Variants in PHTF2 observed in about 807,000 individuals in gnomAD.
PHTF2 encodes putative homeodomain transcription factor 2, also known as protein PHTF2.
A neutral mutation model predicts 101.2 loss-of-function variants in PHTF2; 60 were observed. The ratio of observed to expected loss-of-function variants is 0.59; its 90% CI spans 0.48 to 0.73. The LOEUF is 0.73. PHTF2 is among the 30% of genes least tolerant of loss of function. The pLI is 0.00. For synonymous variants in PHTF2, 311 were observed against 307.3 expected, an observed-to-expected ratio of 1.01 and a Z score of -0.13; for missense variants, 747 against 908.7, an observed-to-expected ratio of 0.82 and a Z score of 2.29.
At chr7:77,817,059 T>C (rs1793908453) in intron 1 of PHTF2, among the ~76,000 whole-genome samples, 1 of 152,186 alleles carries the variant, frequency 6.6e-6, no homozygotes, top group African/African-American at 2.4e-5. Context: ...ATATACTGAT[T>C]TTCTTTCCTT....
intron 1 of PHTF2, among the ~76,000 whole-genome samples, chr7:77,832,699 T>G (rs1795163390): frequency 6.6e-6 from 1 of 151,986 alleles, no homozygotes; most frequent in Non-Finnish European, 1.5e-5. Context: ...ACACTTTGGG[T>G]GTCACTGTCT....
At chr7:77,809,224 G>GTTT (rs34141515) in intron 1 of PHTF2, among the ~76,000 whole-genome samples, 29 of 98,488 alleles carry the variant, frequency 2.9e-4, no homozygotes, top group East Asian at 5.3e-4. Context: ...CCAGTTCGTT[G>GTTT]TTTTTTTTTT....
chr7:77,801,580 G>A (rs945572880), intron 1 of PHTF2, among the ~76,000 whole-genome samples: 1 of 152,092 alleles, frequency 6.6e-6, no homozygotes, highest in Non-Finnish European at 1.5e-5. Flanking sequence ...GCAAGACACC[G>A]TCTCAAAAAC....
chr7:77,840,215 G>A lies in PHTF2; in HGVS notation c.-35-6G>A, dbSNP rs370032986. ...AGTCATTTGTATGTTTTTCTCTCTTGCACAGCCTAAAATGACCAATGTGTG... is the reference window on the plus strand; with the variant it reads ...AGTCATTTGTATGTTTTTCTCTCTTACACAGCCTAAAATGACCAATGTGTG... On this transcript the variant is annotated splice_region_variant and splice_polypyrimidine_tract_variant and intron_variant, in intron 1 of 19. Coordinates refer to ENST00000416283, the Ensembl canonical transcript of PHTF2. The A allele has an allele frequency of 9.0e-5, 133 of 1,479,094 alleles. No homozygotes were observed. The African/African-American group carries it at 1.8e-3, about 20-fold the overall frequency. The allele number at this position is 1,479,094 out of a possible 1,614,324, so 91.6% of individuals were successfully genotyped here.
At chr7:77,947,840 T>TC (rs1229587056) in intron 16 of PHTF2, among the ~76,000 whole-genome samples, 33 of 112,532 alleles carry the variant, frequency 2.9e-4, no homozygotes, top group African/African-American at 1.1e-3. Flanking sequence ...TTTCTTTCTT[T>TC]TTTTTTTTTT....
intron 1 of PHTF2, among the ~76,000 whole-genome samples, chr7:77,814,695 A>G (rs1793715915): frequency 6.6e-6 from 1 of 151,914 alleles, no homozygotes; most frequent in Non-Finnish European, 1.5e-5. Context: ...TATTTTTAGT[A>G]GAGATGGGGT....
chr7:77,914,900 G>A (rs1235482066), intron 9 of PHTF2, among the ~76,000 whole-genome samples: 1 of 151,996 alleles, frequency 6.6e-6, no homozygotes, highest in African/African-American at 2.4e-5. Context: ...CATTATTATT[G>A]TTATTATTAT....
chr7:77,858,724 G>A (rs1023908283), intron 3 of PHTF2, among the ~76,000 whole-genome samples: 2 of 151,078 alleles, frequency 1.3e-5, no homozygotes, highest in Non-Finnish European at 2.9e-5. Context: ...CAGGAATGAT[G>A]ATGATGTTAG....
intron 2 of PHTF2, among the ~76,000 whole-genome samples, chr7:77,843,739 A>C (rs935792806): frequency 1.3e-5 from 2 of 152,106 alleles, no homozygotes; most frequent in African/African-American, 4.8e-5. Context: ...TCAATCATGG[A>C]CCCCTTTGTG....
intron 1 of PHTF2, among the ~76,000 whole-genome samples, chr7:77,806,365 T>C (rs1792983430): frequency 6.6e-6 from 1 of 152,222 alleles, no homozygotes; most frequent in African/African-American, 2.4e-5. Flanking sequence ...GCATGCATAT[T>C]TATGATTGTT....
intron 18 of PHTF2, among the ~76,000 whole-genome samples, chr7:77,952,265 A>G (rs1806616178): frequency 6.6e-6 from 1 of 152,310 alleles, no homozygotes; most frequent in South Asian, 2.1e-4. Context: ...AGTTCTTAAA[A>G]GGAAAATATT....
chr7:77,918,233 C>T (rs1803113436), intron 9 of PHTF2, among the ~76,000 whole-genome samples: 2 of 152,034 alleles, frequency 1.3e-5, no homozygotes, highest in Admixed American at 1.3e-4. Flanking sequence ...TTTTTTTAAC[C>T]CTATAGAGTC....
intron 3 of PHTF2, among the ~76,000 whole-genome samples, chr7:77,876,101 T>G (rs1246553640): frequency 6.6e-6 from 1 of 152,160 alleles, no homozygotes; most frequent in African/African-American, 2.4e-5. Context: ...ACTCTTTACT[T>G]AACAGTGATT....
At chr7:77,827,206 A>G (rs574824353) in intron 1 of PHTF2, among the ~76,000 whole-genome samples, 1 of 152,316 alleles carries the variant, frequency 6.6e-6, no homozygotes, top group South Asian at 2.1e-4. Flanking sequence ...TGATGGCTCT[A>G]TAAGCTAAGG....
At chr7:77,897,747 C>T (rs1260846835) in intron 5 of PHTF2, among the ~76,000 whole-genome samples, 1 of 152,014 alleles carries the variant, frequency 6.6e-6, no homozygotes, top group Non-Finnish European at 1.5e-5. Flanking sequence ...TAGATTTGAT[C>T]GCAACTCACT....
chr7:77,811,724 G>C (rs1793458037), intron 1 of PHTF2, among the ~76,000 whole-genome samples: 1 of 152,032 alleles, frequency 6.6e-6, no homozygotes, highest in Admixed American at 6.5e-5. Flanking sequence ...CTATCTCTGT[G>C]CCAGCCCTAG....
intron 9 of PHTF2, among the ~76,000 whole-genome samples, 172 bp from the exon 9 acceptor site, chr7:77,920,107 C>T (rs1233438470): frequency 6.6e-6 from 1 of 152,178 alleles, no homozygotes; most frequent in Admixed American, 6.5e-5. Flanking sequence ...CATTAATTTA[C>T]ATGTTTATTT....
intron 9 of PHTF2, among the ~76,000 whole-genome samples, chr7:77,917,280 G>A (rs948345913): frequency 1.3e-5 from 2 of 152,030 alleles, no homozygotes; most frequent in Non-Finnish European, 2.9e-5. Context: ...AATGTTTTGG[G>A]TTCAACTTGT....
chr7:77,948,570 A>G (rs1405268719), intron 16 of PHTF2, among the ~76,000 whole-genome samples: 1 of 152,192 alleles, frequency 6.6e-6, no homozygotes, highest in East Asian at 1.9e-4. Context: ...ACATTATAGA[A>G]CTAAGTTCTA....
Sources: gnomAD v4.1 joint callset for allele counts (sites outside exome capture counted in the v4.1 genomes callset) on GRCh38, gnomAD v4.1.1 for gene constraint, MANE v1.5 for transcripts, NCBI Gene and HGNC (gene_info 2026-07-23, HGNC 2026-07-21) for gene names.